The following SCN9A variants were observed in gnomAD, a reference collection of about 807,000 sequenced individuals.
SCN9A encodes the protein sodium voltage-gated channel alpha subunit 9, also known as sodium channel protein type 9 subunit alpha.
Under a neutral mutation model 187.0 loss-of-function variants are expected in SCN9A, and 131 were observed. The observed-to-expected ratio is 0.70, with a 90% confidence interval of 0.61 to 0.81. SCN9A has a LOEUF of 0.81. SCN9A is among the 30% of genes least tolerant of loss of function. The pLI is 0.00. For synonymous variants in SCN9A, 809 were observed against 808.6 expected, an observed-to-expected ratio of 1.00 and a Z score of -0.01; for missense variants, 2,252 against 2,396.6, an observed-to-expected ratio of 0.94 and a Z score of 1.26.
Position 166,278,251 on chromosome 2 carries a change from C to T in SCN9A, c.2406G>A (p.Glu802=). The change falls in exon 15 of 27, where the codon GAG becomes GAA. Residue 802 remains glutamate, a synonymous_variant. Transcript: ENST00000642356. ...AAATATTCCAGCCTACTTGGAAATA[C>T]TCATATGGATCCATGGCAATCAGTT... ...VLKLIAMDPY[E]YFQVGWNIFD... 2 of 1,612,488 alleles carry T rather than the reference C, an allele frequency of 1.2e-6. No homozygotes were observed. Among genetic ancestry groups the T allele is most frequent in the Non-Finnish European group, 1.7e-6 (2 of 1,179,290 alleles).
chr2:166,221,058 TATG>T (rs1264333840), intron 24 of SCN9A, among the ~76,000 whole-genome samples: 1 of 152,200 alleles, frequency 6.6e-6, no homozygotes, highest in Non-Finnish European at 1.5e-5. Flanking sequence ...AAATCCCATT[TATG>T]ATAACATCAA....
At chr2:166,325,297 A>G (rs1043548107) in intron 1 of SCN9A, among the ~76,000 whole-genome samples, 3 of 152,286 alleles carry the variant, frequency 2.0e-5, no homozygotes, top group African/African-American at 4.8e-5. Flanking sequence ...ATGAATTACA[A>G]TTAATACATT....
Position 166,242,613 on chromosome 2 carries a change from T to C in SCN9A, c.3516A>G (p.Ser1172=). Reference sequence around the variant, plus strand: ...TGTTCCACCAGATTTTTCCTTTCCCTGACTCTATGTTAACTTGGCAGCATG... The same window carrying C: ...TGTTCCACCAGATTTTTCCTTTCCCCGACTCTATGTTAACTTGGCAGCATG... ...RFSCCQVNIE[S]GKGKIWWNIR... Residue 1172 remains serine (S), a synonymous_variant, in exon 19 of 27, where the codon TCA becomes TCG. Transcript: ENST00000642356. The C allele has an allele frequency of 1.3e-6, 2 of 1,554,454 alleles. No homozygotes were observed. Among genetic ancestry groups the C allele is most frequent in the South Asian group, 1.2e-5 (1 of 84,152 alleles).
chr2:166,304,154 GAC>G (rs371397187), intron 6 of SCN9A, 82 bp downstream of exon 6: 2 of 1,611,482 alleles, frequency 1.2e-6, no homozygotes, highest in East Asian at 4.5e-5. Flanking sequence ...ACACAGTGAC[GAC>G]ACACACACAA....
intron 16 of SCN9A, among the ~76,000 whole-genome samples, chr2:166,274,073 G>A (rs932240838): frequency 6.6e-6 from 1 of 152,104 alleles, no homozygotes. Flanking sequence ...GTGTATATTT[G>A]TTTTAATAGG....
chr2:166,369,144 C>T lies in SCN9A; in HGVS notation c.-51+6553G>A, dbSNP rs573931855. 9.9e-5 allele frequency among the ~76,000 whole-genome samples: 15 copies of T among 151,700 alleles called. No homozygotes were observed. In the South Asian group the frequency reaches 2.9e-3, roughly 29 times the overall value. On this transcript the variant is annotated intron_variant, in intron 1 of 26. Transcript: ENST00000642356. ...AATTACGATGTATATACATATATAT[C>T]TCCTAATATATAATATACTCTATAT...
At chr2:166,374,230 T>C (rs1480019385) in intron 1 of SCN9A, among the ~76,000 whole-genome samples, 2 of 152,206 alleles carry the variant, frequency 1.3e-5, no homozygotes, top group Non-Finnish European at 2.9e-5. Context: ...ATCCAGTCAC[T>C]GTAAAAACAC....
chr2:166,288,748 G>A lies in SCN9A; in HGVS notation c.1108-105C>T, dbSNP rs1697903887. Reference sequence around the variant, plus strand: ...ATCTGACAGTTTGGTATAATCTCATGTTATCAAAAATATAAAGAGAAAAGT... The same window carrying A: ...ATCTGACAGTTTGGTATAATCTCATATTATCAAAAATATAAAGAGAAAAGT... On this transcript the variant is annotated intron_variant, in intron 9 of 26. Transcript: ENST00000642356. The A allele has an allele frequency of 2.1e-5, 16 of 753,728 alleles. 1 individual carries two copies. The South Asian group carries it at 3.8e-4, about 18-fold the overall frequency. 46.7% of individuals were successfully genotyped at this position (753,728 alleles called of 1,614,324 possible).
intron 24 of SCN9A, among the ~76,000 whole-genome samples, chr2:166,208,826 A>C (rs1194138880): frequency 6.6e-6 from 1 of 152,244 alleles, no homozygotes; most frequent in Non-Finnish European, 1.5e-5. Context: ...TTTTCAAATC[A>C]AACAGGCATT....
rs900697763 is a variant in SCN9A, at chr2:166,288,370, G to A, written c.1314+67C>T. ...AGCTGGAGAAGGCCAAGCATATACC[G>A]CAGAGCCTCTGTTGTAACCGTTTGC... On this transcript the variant is annotated intron_variant, in intron 10 of 26. Transcript: ENST00000642356. The A allele has an allele frequency of 7.0e-5, 88 of 1,265,624 alleles. 1 individual carries two copies. In the Admixed American group the frequency reaches 7.6e-4, roughly 11 times the overall value. The allele number at this position is 1,265,624 out of a possible 1,614,324, so 78.4% of individuals were successfully genotyped here. A position where few individuals can be genotyped will look rare whatever the true frequency, so the allele number is the denominator to read the frequency against.
In SCN9A at chr2:166,345,748, G is replaced by A. The variant is rs75053746; in HGVS notation, c.-51+29949C>T. Among the ~76,000 whole-genome samples, 613 of 152,146 alleles carry A rather than the reference G, an allele frequency of 4.0e-3. 21 individuals are homozygous for A. The East Asian group carries it at 0.081, about 20-fold the overall frequency. On this transcript the variant is annotated intron_variant, in intron 1 of 26. Transcript: ENST00000642356. ...CATCATTAGTAATGAAGATGGTATCGCTGGTTATATTTTCCGCTACTACTA... is the reference window on the plus strand; with the variant it reads ...CATCATTAGTAATGAAGATGGTATCACTGGTTATATTTTCCGCTACTACTA...
At chr2:166,274,268 T>C (rs986463092) in intron 16 of SCN9A, among the ~76,000 whole-genome samples, 1 of 152,132 alleles carries the variant, frequency 6.6e-6, no homozygotes, top group Non-Finnish European at 1.5e-5. Flanking sequence ...CTAGTGGGTA[T>C]CACAAATCAA....
chr2:166,228,478 C>T lies in SCN9A; in HGVS notation c.4206+213G>A, dbSNP rs563739337. Among the ~76,000 whole-genome samples, 161 of 151,940 alleles carry T rather than the reference C, an allele frequency of 1.1e-3. 1 individual carries two copies. The highest frequency in any genetic ancestry group is 7.5e-3 in the South Asian group (36 of 4,816). On this transcript the variant is annotated intron_variant, in intron 22 of 26. Transcript: ENST00000642356. ...TTCACTATGTTGGCCAGACTGGTCT[C>T]GAACTCCTGACCTCATGATCTGCCC...
At chr2:166,307,101 A>T (rs1698787692) in intron 2 of SCN9A, 27 bp from the exon 3 acceptor site, 1 of 1,300,196 alleles carries the variant, frequency 7.7e-7, no homozygotes. Context: ...AAAGGATGAA[A>T]TTGAGAATCC....
intron 3 of SCN9A, 32 bp downstream of exon 3, chr2:166,306,924 G>T: frequency 1.6e-6 from 2 of 1,217,910 alleles, no homozygotes; most frequent in Non-Finnish European, 2.4e-6. Flanking sequence ...ACCATAAAGT[G>T]CCACTGGATG....
chr2:166,250,590 T>C (rs1695991052), intron 18 of SCN9A, among the ~76,000 whole-genome samples: 1 of 152,098 alleles, frequency 6.6e-6, no homozygotes, highest in African/African-American at 2.4e-5. Context: ...GCAGCCCTAC[T>C]CTGGGCTTGT....
intron 24 of SCN9A, among the ~76,000 whole-genome samples, chr2:166,215,094 G>A (rs1168200407): frequency 6.6e-6 from 1 of 152,066 alleles, no homozygotes; most frequent in Non-Finnish European, 1.5e-5. Flanking sequence ...AAATCATATC[G>A]AGTATGTTTT....
At position 166,199,385 on chromosome 2, in the gene SCN9A, C is replaced by T; in HGVS notation, c.5254G>A (p.Val1752Met). Reference sequence around the variant, plus strand: ...AGTATGACTGCAATGTACATGTTCACCACAACCAGGAAGGATATGATGATA... The same window carrying T: ...AGTATGACTGCAATGTACATGTTCATCACAACCAGGAAGGATATGATGATA... ...SYIIISFLVVVNMYIAVILEN... is the reference protein window; with the variant it reads ...SYIIISFLVVMNMYIAVILEN... The change falls in exon 27 of 27, where the codon GTG (valine) becomes ATG (methionine). Residue 1752 changes from valine to methionine, a missense_variant. By Grantham distance (21) the Val-to-Met change is conservative (BLOSUM62 1). Transcript: ENST00000642356. The T allele has an allele frequency of 6.2e-7, 1 of 1,614,120 alleles. No homozygotes were observed. Among genetic ancestry groups the T allele is most frequent in the African/African-American group, 1.3e-5 (1 of 75,030 alleles).
intron 8 of SCN9A, 138 bp downstream of exon 8, chr2:166,294,461 G>C: frequency 3.5e-6 from 2 of 578,082 alleles, no homozygotes; most frequent in Non-Finnish European, 6.0e-6. Context: ...TGGATTTGCT[G>C]TGGGACAGAA....
Sources: gnomAD v4.1 joint callset for allele counts (sites outside exome capture counted in the v4.1 genomes callset) on GRCh38, gnomAD v4.1.1 for gene constraint, MANE v1.5 for transcripts, NCBI Gene and HGNC (gene_info 2026-07-23, HGNC 2026-07-21) for gene names.